The following PPP1R9A variants were observed in gnomAD, a reference collection of about 807,000 sequenced individuals.
The protein encoded by PPP1R9A is neurabin-1.
In PPP1R9A, 59 loss-of-function variants were observed where a neutral mutation model predicts 141.9. The observed-to-expected ratio is 0.42, with a 90% confidence interval of 0.34 to 0.52. The LOEUF is 0.52. Ranked by LOEUF, PPP1R9A falls within the 20% of genes least tolerant of loss-of-function variation. The probability of loss-of-function intolerance (pLI) is 0.10; values close to 1 mark genes in which losing one functional copy is unlikely to be tolerated. For missense variants in PPP1R9A, 1,444 were observed against 1,611.9 expected, an observed-to-expected ratio of 0.90 and a Z score of 1.78; for synonymous variants, 500 against 569.7, an observed-to-expected ratio of 0.88 and a Z score of 1.74.
chr7:95,280,344 A>G (rs1411419373), intron 16 of PPP1R9A, among the ~76,000 whole-genome samples: 2 of 152,254 alleles, frequency 1.3e-5, no homozygotes, highest in African/African-American at 2.4e-5. Flanking sequence ...TGAACTCTTA[A>G]TGATATTTTG....
intron 15 of PPP1R9A, 35 bp downstream of exon 15, chr7:95,274,021 G>T: frequency 6.7e-7 from 1 of 1,497,530 alleles, no homozygotes; most frequent in Non-Finnish European, 9.2e-7. Flanking sequence ...AAAGCCCTCT[G>T]TAAAAGGAGG....
At position 94,948,688 on chromosome 7, in the gene PPP1R9A, A is replaced by G. The variant is rs148117786; in HGVS notation, c.1395+37180A>G. The stretch of plus-strand genomic sequence containing the variant: ...TCCCAAGCATAATTTTGAAGTAAGT[A>G]AAATCCATCTTTTGCATCTTGTAAC... On this transcript the variant is annotated intron_variant, in intron 2 of 19. Transcript: ENST00000433360. Among the ~76,000 whole-genome samples the G allele has an allele frequency of 8.5e-4, 130 of 152,282 alleles. 1 individual carries two copies. Among genetic ancestry groups the G allele is most frequent in the African/African-American group, 2.9e-3 (120 of 41,568 alleles).
chr7:95,003,280 A>G (rs917461239), intron 2 of PPP1R9A, among the ~76,000 whole-genome samples: 2 of 152,286 alleles, frequency 1.3e-5, no homozygotes, highest in East Asian at 1.9e-4. Flanking sequence ...GTCTCCATTA[A>G]TATGAAGAAT....
rs562223153 is a variant in PPP1R9A at position 95,084,923 on chromosome 7, G to A, written c.1396-26336G>A. ...TAGGCACATGAGCAAGTGTTTCTCTGTGTTGTGTGTCTCCATGTGAACTAG... is the reference window on the plus strand; with the variant it reads ...TAGGCACATGAGCAAGTGTTTCTCTATGTTGTGTGTCTCCATGTGAACTAG... On this transcript the variant is annotated intron_variant, in intron 2 of 19. Transcript: ENST00000433360. Among the ~76,000 whole-genome samples the A allele has an allele frequency of 3.3e-5, 5 of 152,032 alleles. No homozygotes were observed. The South Asian group carries it at 1.0e-3, about 32-fold the overall frequency.
At chr7:94,959,307 T>C (rs1392565226) in intron 2 of PPP1R9A, among the ~76,000 whole-genome samples, 1 of 151,876 alleles carries the variant, frequency 6.6e-6, no homozygotes, top group African/African-American at 2.4e-5. Flanking sequence ...ATAGTGGTTG[T>C]GGACATAAAA....
chr7:95,134,578 G>A (rs187986004), intron 4 of PPP1R9A, among the ~76,000 whole-genome samples: 16 of 152,150 alleles, frequency 1.1e-4, no homozygotes, highest in Admixed American at 2.6e-4. Flanking sequence ...CTGGGATTAC[G>A]GCATGTACCA....
At chr7:94,960,926 C>T (rs756297921) in intron 2 of PPP1R9A, among the ~76,000 whole-genome samples, 4 of 151,548 alleles carry the variant, frequency 2.6e-5, no homozygotes, top group African/African-American at 9.7e-5. Flanking sequence ...AGCAAAGTTC[C>T]AATGTGCTTT....
chr7:94,981,917 C>T (rs140878346), intron 2 of PPP1R9A, among the ~76,000 whole-genome samples: 3,878 of 151,720 alleles, frequency 0.026, 162 homozygotes, highest in African/African-American at 0.089. Flanking sequence ...GTTGGTTTGC[C>T]GCACCCATTA....
chr7:95,109,120 A>G (rs1460981659), intron 2 of PPP1R9A, among the ~76,000 whole-genome samples: 3 of 152,240 alleles, frequency 2.0e-5, no homozygotes, highest in Non-Finnish European at 4.4e-5. Flanking sequence ...CCAAAAAACT[A>G]TAGATATGTG....
At chr7:95,287,568 A>G (rs1342099196) in intron 18 of PPP1R9A, among the ~76,000 whole-genome samples, 1 of 152,152 alleles carries the variant, frequency 6.6e-6, no homozygotes, top group African/African-American at 2.4e-5. Context: ...ATTAAAAGGA[A>G]TATTCTGCAG....
chr7:95,149,335 A>G (rs1364002902), intron 4 of PPP1R9A, among the ~76,000 whole-genome samples: 1 of 152,196 alleles, frequency 6.6e-6, no homozygotes, highest in Non-Finnish European at 1.5e-5. Flanking sequence ...AAGATTAGGA[A>G]CTAGACAATG....
intron 4 of PPP1R9A, among the ~76,000 whole-genome samples, chr7:95,137,415 C>CAAAAAAAAAAAAAAAAAAAA (rs33928009): frequency 5.5e-5 from 5 of 91,518 alleles, no homozygotes; most frequent in African/African-American, 1.7e-4. Context: ...GACATGAACT[C>CAAAAAAAAAAAAAAAAAAAA]AAAAAAAAAA....
At chr7:95,118,590 A>G (rs1487569770) in intron 3 of PPP1R9A, among the ~76,000 whole-genome samples, 1 of 152,136 alleles carries the variant, frequency 6.6e-6, no homozygotes, top group Non-Finnish European at 1.5e-5. Flanking sequence ...AAGATATAAG[A>G]TTGTCAGGTG....
At chr7:95,058,782 T>C (rs775045628) in intron 2 of PPP1R9A, among the ~76,000 whole-genome samples, 3 of 151,498 alleles carry the variant, frequency 2.0e-5, no homozygotes, top group Non-Finnish European at 2.9e-5. Flanking sequence ...TTTAGTTTTC[T>C]TTTCTTTTCT....
At chr7:95,137,431 AAAAAAAAG>A (rs1825868604) in intron 4 of PPP1R9A, among the ~76,000 whole-genome samples, 1 of 151,758 alleles carries the variant, frequency 6.6e-6, no homozygotes, top group Non-Finnish European at 1.5e-5. Flanking sequence ...AAAAAAAAAA[AAAAAAAAG>A]ATGCAAGTCT....
intron 2 of PPP1R9A, among the ~76,000 whole-genome samples, chr7:94,934,890 C>T (rs1167331650): frequency 6.6e-6 from 1 of 151,838 alleles, no homozygotes; most frequent in African/African-American, 2.4e-5. Context: ...ATGTGTTGCC[C>T]AGGCTGGAGT....
intron 2 of PPP1R9A, among the ~76,000 whole-genome samples, chr7:95,072,073 T>C (rs752971066): frequency 6.6e-6 from 1 of 151,472 alleles, no homozygotes; most frequent in East Asian, 1.9e-4. Flanking sequence ...GAACAAATTC[T>C]ATTTTATTAA....
intron 5 of PPP1R9A, among the ~76,000 whole-genome samples, chr7:95,188,290 A>T (rs1387908163): frequency 2.0e-5 from 3 of 152,126 alleles, no homozygotes; most frequent in Non-Finnish European, 4.4e-5. Flanking sequence ...TGTCTGATAT[A>T]AGAATGGCTA....
At chr7:95,244,227 G>A (rs984827297) in intron 8 of PPP1R9A, among the ~76,000 whole-genome samples, 1 of 152,120 alleles carries the variant, frequency 6.6e-6, no homozygotes, top group Admixed American at 6.6e-5. Context: ...AATTAGTTCA[G>A]TTCCCTCCTG....
Sources: allele counts gnomAD v4.1 joint callset (sites outside exome capture counted in the v4.1 genomes callset), GRCh38; gene constraint gnomAD v4.1.1; transcripts MANE v1.5; gene names NCBI Gene and HGNC (gene_info 2026-07-23, HGNC 2026-07-21).